The following SPINT2 variants were observed in gnomAD, a reference collection of about 807,000 sequenced individuals.
The protein encoded by SPINT2 is kunitz-type protease inhibitor 2.
A neutral mutation model predicts 30.1 loss-of-function variants in SPINT2; 18 were observed. The ratio of observed to expected loss-of-function variants is 0.60; its 90% CI spans 0.41 to 0.89. The LOEUF is 0.89. SPINT2 is among the 40% of genes least tolerant of loss of function. SPINT2 has a pLI of 0.00. For missense variants in SPINT2, 276 were observed against 334.3 expected (o/e 0.83, Z 1.36); for synonymous variants, 139 against 137.9 (o/e 1.01, Z -0.05).
At chr19:38,285,609 G>A (rs187398022) in intron 2 of SPINT2, among the ~76,000 whole-genome samples, 10 of 152,256 alleles carry the variant, frequency 6.6e-5, no homozygotes, top group Non-Finnish European at 1.2e-4. Context: ...AAAGTGCTAG[G>A]ATTACAGGCG....
At chr19:38,288,114 G>A (rs1030674199) in intron 3 of SPINT2, 179 bp downstream of exon 3, 1 of 696,420 alleles carries the variant, frequency 1.4e-6, no homozygotes, top group Admixed American at 2.1e-5. Context: ...TTATGGGGGA[G>A]TTTATACTGT....
chr19:38,265,052 G>C, intron 1 of SPINT2, 54 bp downstream of exon 1: 1 of 1,416,956 alleles, frequency 7.1e-7, no homozygotes. Context: ...GAGGCTCGGG[G>C]GTCAACGGGG....
At chr19:38,286,507 T>C (rs8101185) in intron 2 of SPINT2, among the ~76,000 whole-genome samples, 65,402 of 152,008 alleles carry the variant, frequency 0.43, 14,837 homozygotes, top group East Asian at 0.73. Context: ...GTGGGCCGGG[T>C]GCGGCGGCTC....
Position 38,290,447 on chromosome 19 carries a change from C to A in SPINT2, c.554-90C>A. On this transcript the variant is annotated intron_variant, in intron 5 of 6. Transcript: ENST00000301244. This position sits in a 1 kb window ranked among gnomAD's most constrained non-coding sequence, Gnocchi z 4.3. ...GAAGAAAGCCCCTCAGAAAGAGCTC[C>A]CCATGGAGGCCCTGGCTGAGGGGAT... 2 of 1,609,012 alleles carry A rather than the reference C, an allele frequency of 1.2e-6. No individual in the cohort carries two copies.
Position 38,283,732 on chromosome 19 carries a change from G to T in SPINT2, c.212G>T (p.Cys71Phe). 6.2e-7 allele frequency: 1 copy of T among 1,613,782 alleles called. No individual in the cohort carries two copies. The highest frequency in any genetic ancestry group is 8.5e-7 in the Non-Finnish European group (1 of 1,179,908). Residue 71 changes from cysteine to phenylalanine, a missense_variant, in exon 2 of 7, where the codon TGT becomes TTT. Physicochemically the swap from Cys to Phe is radical, Grantham distance 205. Coordinates refer to ENST00000301244, the MANE Select transcript of SPINT2 (RefSeq NM_021102.4). ...TGCCAGCTGTTTGTGTATGGGGGCTGTGACGGAAACAGCAATAATTACCTG... is the reference window on the plus strand; with the variant it reads ...TGCCAGCTGTTTGTGTATGGGGGCTTTGACGGAAACAGCAATAATTACCTG... The part of the protein sequence containing the change: ...GSCQLFVYGG[C>F]DGNSNNYLTK...
intron 1 of SPINT2, among the ~76,000 whole-genome samples, chr19:38,275,087 T>C (rs1376671431): frequency 6.6e-6 from 1 of 152,110 alleles, no homozygotes; most frequent in Non-Finnish European, 1.5e-5. Flanking sequence ...TCTAGAAAAG[T>C]GTTTGGCAAT....
intron 1 of SPINT2, among the ~76,000 whole-genome samples, chr19:38,273,257 AC>A (rs1350836834): frequency 6.6e-6 from 1 of 152,182 alleles, no homozygotes; most frequent in African/African-American, 2.4e-5. Context: ...TGTACTGGAA[AC>A]AGAAACACTC....
chr19:38,271,167 A>G (rs1028393194), intron 1 of SPINT2, among the ~76,000 whole-genome samples: 2 of 152,142 alleles, frequency 1.3e-5, no homozygotes, highest in Admixed American at 6.6e-5. Context: ...TTTATTTGAA[A>G]TATGCTTTTT....
At chr19:38,270,929 G>T (rs572977870) in intron 1 of SPINT2, among the ~76,000 whole-genome samples, 1 of 152,152 alleles carries the variant, frequency 6.6e-6, no homozygotes, top group African/African-American at 2.4e-5. Context: ...TTGGCCCACC[G>T]GCCATGACTA....
chr19:38,292,252 C>A lies in SPINT2; in HGVS notation c.*246C>A. 1 of 487,502 alleles carries A rather than the reference C, an allele frequency of 2.1e-6. No individual in the cohort carries two copies. Among genetic ancestry groups the A allele is most frequent in the Non-Finnish European group, 3.7e-6 (1 of 269,250 alleles). The allele number at this position is 487,502 out of a possible 1,614,324, so 30.2% of individuals were successfully genotyped here. A position where few individuals can be genotyped will look rare whatever the true frequency, so the allele number is the denominator to read the frequency against. On this transcript the variant is annotated 3_prime_UTR_variant, in exon 7 of 7. Coordinates refer to ENST00000301244, the MANE Select transcript of SPINT2 (RefSeq NM_021102.4). ...TGTTTCCTCGCTGATCGATTTCTTT[C>A]CTCCAGGTAGAGTTTTCTTTGCTTA...
At chr19:38,265,281 G>C in intron 1 of SPINT2, 1 of 276,100 alleles carries the variant, frequency 3.6e-6, no homozygotes, top group South Asian at 5.4e-5. Context: ...GCCCCTTCCT[G>C]TGGCAAGAAC....
At chr19:38,280,296 A>T (rs916724667) in intron 1 of SPINT2, among the ~76,000 whole-genome samples, 1 of 152,202 alleles carries the variant, frequency 6.6e-6, no homozygotes, top group African/African-American at 2.4e-5. Context: ...TGCCTGACAG[A>T]TTCTGTTGGT....
At chr19:38,286,831 G>C (rs1359612172) in intron 2 of SPINT2, among the ~76,000 whole-genome samples, 1 of 152,090 alleles carries the variant, frequency 6.6e-6, no homozygotes, top group Non-Finnish European at 1.5e-5. Flanking sequence ...GTCGTGTTTT[G>C]TTTTGTTTTT....
intron 1 of SPINT2, among the ~76,000 whole-genome samples, chr19:38,269,632 G>C (rs1357619573): frequency 1.5e-5 from 2 of 134,646 alleles, no homozygotes; most frequent in Middle Eastern, 4.5e-3. Context: ...TTTTTGAGAC[G>C]GAGTGTCTCG....
At chr19:38,287,757 G>T in intron 2 of SPINT2, 119 bp from the exon 3 acceptor site, 1 of 1,065,716 alleles carries the variant, frequency 9.4e-7, no homozygotes, top group South Asian at 1.3e-5. Flanking sequence ...GCACATTGAA[G>T]GTCCCATGTA....
chr19:38,286,490 G>A (rs2146276860), intron 2 of SPINT2, among the ~76,000 whole-genome samples: 1 of 152,278 alleles, frequency 6.6e-6, no homozygotes, highest in Middle Eastern at 3.4e-3. Flanking sequence ...TGTGTAAAAT[G>A]TATCATGTGG....
intron 1 of SPINT2, among the ~76,000 whole-genome samples, chr19:38,278,426 G>T (rs895882226): frequency 8.5e-5 from 13 of 152,170 alleles, no homozygotes; most frequent in African/African-American, 3.1e-4. Context: ...CAGCATTCTC[G>T]TTTGTAAAGC....
At chr19:38,283,119 C>G (rs1968599593) in intron 1 of SPINT2, among the ~76,000 whole-genome samples, 1 of 151,966 alleles carries the variant, frequency 6.6e-6, no homozygotes, top group South Asian at 2.1e-4. Flanking sequence ...GAAGACCCTC[C>G]TGGGCAACAT....
chr19:38,269,823 A>C (rs113347361), intron 1 of SPINT2, among the ~76,000 whole-genome samples: 85 of 54,412 alleles, frequency 1.6e-3, no homozygotes, highest in African/African-American at 6.9e-3. Flanking sequence ...GTTAGCCAGG[A>C]TGGTCTTGAT....
Sources: gnomAD v4.1 joint callset for allele counts (sites outside exome capture counted in the v4.1 genomes callset) on GRCh38, gnomAD v4.1.1 for gene constraint, Gnocchi (gnomAD v3.1) non-coding constraint, MANE v1.5 for transcripts, NCBI Gene and HGNC (gene_info 2026-07-23, HGNC 2026-07-21) for gene names.